Variants in PTPRM observed in about 807,000 individuals in gnomAD.
PTPRM encodes protein tyrosine phosphatase receptor type M, also known as receptor-type tyrosine-protein phosphatase mu.
A neutral mutation model predicts 186.7 loss-of-function variants in PTPRM; 47 were observed. The observed-to-expected ratio is 0.25, with a 90% CI of 0.20 to 0.32. The LOEUF (loss-of-function observed/expected upper bound fraction) is 0.32, where lower values mean the gene tolerates loss of function less well. Among genes scored for constraint, PTPRM ranks in the 10% least tolerant of loss-of-function variants. The pLI is 1.00. For missense variants in PTPRM, 1,494 were observed against 1,865.0 expected, an observed-to-expected ratio of 0.80 and a Z score of 3.66; for synonymous variants, 668 against 674.9, an observed-to-expected ratio of 0.99 and a Z score of 0.16.
intron 20 of PTPRM, among the ~76,000 whole-genome samples, chr18:8,302,094 C>T (rs1025486248): frequency 3.3e-5 from 5 of 152,052 alleles, no homozygotes; most frequent in Admixed American, 1.3e-4. Context: ...TGGAAGATTT[C>T]GTGGGGGAGA....
At chr18:7,894,403 G>A (rs980828349) in intron 3 of PTPRM, among the ~76,000 whole-genome samples, 2 of 151,942 alleles carry the variant, frequency 1.3e-5, no homozygotes, top group South Asian at 4.2e-4. Context: ...TGGCTAACAC[G>A]GTGAAACCCC....
At chr18:8,387,340 A>G in intron 31 of PTPRM, 105 bp downstream of exon 31, 1 of 1,236,196 alleles carries the variant, frequency 8.1e-7, no homozygotes, top group East Asian at 2.5e-5. Flanking sequence ...AGAAGAAATA[A>G]GTAGGTCTAG....
At chr18:7,992,778 C>T (rs2083329926) in intron 7 of PTPRM, among the ~76,000 whole-genome samples, 1 of 151,938 alleles carries the variant, frequency 6.6e-6, no homozygotes, top group African/African-American at 2.4e-5. Flanking sequence ...AAGAAAACAT[C>T]ACCAACCTTC....
chr18:7,645,295 G>A (rs1036227051), intron 1 of PTPRM, among the ~76,000 whole-genome samples: 4 of 151,988 alleles, frequency 2.6e-5, no homozygotes, highest in Non-Finnish European at 5.9e-5. Context: ...GTTCAGAATC[G>A]GGCACATTTT....
At chr18:7,647,582 T>C (rs1383631226) in intron 1 of PTPRM, among the ~76,000 whole-genome samples, 2 of 152,224 alleles carry the variant, frequency 1.3e-5, no homozygotes, top group African/African-American at 4.8e-5. Flanking sequence ...AAATATGATA[T>C]AGTCAGAACT....
At chr18:8,256,458 G>GT (rs2094575673) in intron 19 of PTPRM, among the ~76,000 whole-genome samples, 1 of 152,156 alleles carries the variant, frequency 6.6e-6, no homozygotes, top group Non-Finnish European at 1.5e-5. Flanking sequence ...CTGGCATATA[G>GT]TAAGTGTTCA....
intron 14 of PTPRM, among the ~76,000 whole-genome samples, chr18:8,205,763 A>C (rs1447725857): frequency 6.6e-6 from 1 of 152,106 alleles, no homozygotes; most frequent in East Asian, 1.9e-4. Context: ...ATATAAAATA[A>C]TCTTATCTAG....
chr18:7,665,916 G>A (rs2039085004), intron 1 of PTPRM, among the ~76,000 whole-genome samples: 1 of 150,722 alleles, frequency 6.6e-6, no homozygotes, highest in Non-Finnish European at 1.5e-5. Flanking sequence ...GCAAGACTCT[G>A]TCTCAAAAAA....
intron 18 of PTPRM, among the ~76,000 whole-genome samples, 192 bp from the exon 19 acceptor site, chr18:8,253,035 G>A (rs971337543): frequency 1.3e-5 from 2 of 152,156 alleles, no homozygotes; most frequent in African/African-American, 4.8e-5. Context: ...AAAGATTTCT[G>A]CGCATTCTTA....
chr18:8,067,027 G>C (rs1181445160), intron 7 of PTPRM, among the ~76,000 whole-genome samples: 2 of 152,220 alleles, frequency 1.3e-5, no homozygotes, highest in East Asian at 1.9e-4. Flanking sequence ...AAGGAATACT[G>C]AATGATGCAG....
At chr18:7,923,892 C>T (rs1248299273) in intron 4 of PTPRM, among the ~76,000 whole-genome samples, 3 of 152,134 alleles carry the variant, frequency 2.0e-5, no homozygotes, top group South Asian at 2.1e-4. Flanking sequence ...AATGGGTCCC[C>T]GTATTTTCCC....
chr18:8,271,675 G>A (rs977480809), intron 19 of PTPRM, among the ~76,000 whole-genome samples: 5 of 151,830 alleles, frequency 3.3e-5, no homozygotes, highest in Non-Finnish European at 5.9e-5. Context: ...TAGTTAATAG[G>A]TCTGTTACAG....
intron 7 of PTPRM, among the ~76,000 whole-genome samples, chr18:8,038,178 C>G (rs2086456881): frequency 6.6e-6 from 1 of 152,036 alleles, no homozygotes; most frequent in Admixed American, 6.6e-5. Context: ...GGACTGTGCT[C>G]TAACCCTGGT....
intron 24 of PTPRM, among the ~76,000 whole-genome samples, chr18:8,375,625 G>A (rs1044686608): frequency 2.0e-5 from 3 of 152,180 alleles, no homozygotes; most frequent in African/African-American, 4.8e-5. Flanking sequence ...CACGGAGTTG[G>A]TATTGAGCAC....
chr18:8,070,197 C>G (rs2089375575), intron 8 of PTPRM, among the ~76,000 whole-genome samples: 1 of 152,136 alleles, frequency 6.6e-6, no homozygotes. Context: ...TTCTTTATTA[C>G]TCATACAGTT....
intron 3 of PTPRM, among the ~76,000 whole-genome samples, chr18:7,900,410 G>T (rs76086431): frequency 3.5e-4 from 53 of 152,290 alleles, no homozygotes; most frequent in African/African-American, 1.2e-3. Flanking sequence ...AGATTTGGCC[G>T]TGGGCTGTAG....
intron 23 of PTPRM, among the ~76,000 whole-genome samples, chr18:8,357,348 C>A (rs929290556): frequency 2.0e-5 from 3 of 152,194 alleles, no homozygotes; most frequent in Admixed American, 6.5e-5. Context: ...TGAAAATAAT[C>A]TAATCTGACT....
intron 1 of PTPRM, among the ~76,000 whole-genome samples, chr18:7,694,133 T>C (rs538379512): frequency 2.8e-4 from 42 of 152,258 alleles, no homozygotes; most frequent in African/African-American, 9.9e-4. Flanking sequence ...TGTGGTCTTC[T>C]CCAGGCCTAA....
At chr18:7,610,689 T>C (rs2037650552) in intron 1 of PTPRM, among the ~76,000 whole-genome samples, 1 of 152,238 alleles carries the variant, frequency 6.6e-6, no homozygotes, top group Admixed American at 6.5e-5. Flanking sequence ...TTTGTGTTTG[T>C]GGTGATGCTG....
Sources: gnomAD v4.1 joint callset for allele counts (sites outside exome capture counted in the v4.1 genomes callset) on GRCh38, gnomAD v4.1.1 for gene constraint, MANE v1.5 for transcripts, NCBI Gene and HGNC (gene_info 2026-07-23, HGNC 2026-07-21) for gene names.